Variants in PCMT1 observed in about 807,000 individuals in gnomAD.
PCMT1 encodes the protein protein-L-isoaspartate (D-aspartate) O-methyltransferase, also known as protein-L-isoaspartate(D-aspartate) O-methyltransferase.
A neutral mutation model predicts 29.2 loss-of-function variants in PCMT1; 9 were observed. That is an observed-to-expected ratio of 0.31 (90% CI 0.19 to 0.54). The LOEUF (loss-of-function observed/expected upper bound fraction) is 0.54, where lower values mean the gene tolerates loss of function less well. Ranked by LOEUF, PCMT1 falls within the 20% of genes least tolerant of loss-of-function variation. PCMT1 has a pLI of 0.95. For missense variants in PCMT1, 184 were observed against 282.2 expected, an observed-to-expected ratio of 0.65 and a Z score of 2.49; for synonymous variants, 98 against 97.5, an observed-to-expected ratio of 1.00 and a Z score of -0.03.
intron 3 of PCMT1, among the ~76,000 whole-genome samples, chr6:149,783,378 A>G (rs1787893467): frequency 6.6e-6 from 1 of 152,030 alleles, no homozygotes; most frequent in African/African-American, 2.4e-5. Flanking sequence ...TGATCTGCCC[A>G]CCTCAGCCTC....
intron 1 of PCMT1, among the ~76,000 whole-genome samples, chr6:149,761,680 T>C (rs867527041): frequency 1.3e-5 from 2 of 152,224 alleles, no homozygotes; most frequent in South Asian, 2.1e-4. Context: ...CTCTGTTTCT[T>C]GTTCCATAAT....
intron 3 of PCMT1, among the ~76,000 whole-genome samples, chr6:149,776,104 A>G (rs1787553849): frequency 6.6e-6 from 1 of 152,114 alleles, no homozygotes; most frequent in African/African-American, 2.4e-5. Flanking sequence ...GGTTGCGTTG[A>G]GCTGAAATTG....
chr6:149,749,737 G>C (rs992245380), upstream of PCMT1: 17 of 1,545,674 alleles, frequency 1.1e-5, no homozygotes, highest in Non-Finnish European at 1.5e-5. Flanking sequence ...GATGCCGGGA[G>C]CGCGCAGTGG....
At chr6:149,807,670 CTA>C in intron 7 of PCMT1, among the ~76,000 whole-genome samples, 1 of 152,184 alleles carries the variant, frequency 6.6e-6, no homozygotes, top group Non-Finnish European at 1.5e-5. Context: ...CACACCCAGA[CTA>C]TTTTTGTTTT....
intron 1 of PCMT1, 51 bp downstream of exon 1, chr6:149,750,007 G>A: frequency 6.4e-7 from 1 of 1,570,040 alleles, no homozygotes; most frequent in Non-Finnish European, 8.6e-7. Context: ...GCTGGGCCTG[G>A]ACCGGGTCCC....
intron 3 of PCMT1, among the ~76,000 whole-genome samples, chr6:149,786,608 G>A (rs1305113874): frequency 7.7e-5 from 11 of 142,378 alleles, no homozygotes; most frequent in Middle Eastern, 3.7e-3. Flanking sequence ...TGGGGCGGCC[G>A]GGCAGAGACG....
Position 149,802,419 on chromosome 6 carries a change from GA to G in PCMT1, c.*37+6del. 1 of 1,562,894 alleles carries G rather than the reference GA, an allele frequency of 6.4e-7. No homozygotes were observed. Among genetic ancestry groups the G allele is most frequent in the Non-Finnish European group, 8.7e-7 (1 of 1,151,170 alleles). On this transcript the variant is annotated splice_donor_region_variant and intron_variant, in intron 7 of 7. Transcript: ENST00000464889. ...CTTTCTTCTTCCACACATGCAAGGT[GA>G]AAGGGTGTGGATTTTAAGACATTAG... is the stretch of plus-strand genomic sequence containing the variant.
rs1157808693 is a variant in PCMT1 at position 149,763,306 on chromosome 6, G to GAT, written c.56-7847_56-7846dup. On this transcript the variant is annotated intron_variant, in intron 1 of 7. Transcript: ENST00000464889. ...TGATATCTATGATATATATATCTAT[G>GAT]ATATATATATCATAGATTACCAATG... Among the ~76,000 whole-genome samples, 3 of 144,408 alleles carry GAT rather than the reference G, an allele frequency of 2.1e-5. 1 individual carries two copies. The highest frequency in any genetic ancestry group is 4.5e-5 in the Non-Finnish European group (3 of 66,404). The allele number at this position is 144,408 out of a possible 152,430, so 94.7% of individuals were successfully genotyped here. A position where few individuals can be genotyped will look rare whatever the true frequency, so the allele number is the denominator to read the frequency against.
intron 3 of PCMT1, among the ~76,000 whole-genome samples, 181 bp downstream of exon 3, chr6:149,773,350 AGTTTTGTTTTGTTTTGTTTTGTTTT>A (rs71709110): frequency 7.3e-5 from 11 of 150,752 alleles, no homozygotes; most frequent in African/African-American, 1.2e-4. Context: ...CTGTAGAAGG[AGTTTTGTTTTGTTTTGTTTTGTTTT>A]GTTTTGTTTT....
At chr6:149,802,611 T>TTTTG (rs968138688) in intron 7 of PCMT1, 195 bp downstream of exon 7, 5 of 693,910 alleles carry the variant, frequency 7.2e-6, no homozygotes, top group Non-Finnish European at 9.7e-6. Context: ...CAAAGGCTTT[T>TTTTG]TTTGTTTGTT....
Position 149,749,742 on chromosome 6 carries a change from C to T in PCMT1, c.-160C>T, listed in dbSNP as rs1786216205. ...TGCCGCGGGGGATGCCGGGAGCGCG[C>T]AGTGGCGGCAGCGGCGGCGACGGCA... is the stretch of plus-strand genomic sequence containing the variant. On this transcript the variant is annotated 5_prime_UTR_variant, in exon 1 of 8. Transcript: ENST00000464889. 5 of 1,545,822 alleles carry T rather than the reference C, an allele frequency of 3.2e-6. No homozygotes were observed. The highest frequency in any genetic ancestry group is 3.5e-6 in the Non-Finnish European group (4 of 1,144,652).
At chr6:149,808,633 A>T (rs1167213882) in intron 7 of PCMT1, among the ~76,000 whole-genome samples, 3 of 151,724 alleles carry the variant, frequency 2.0e-5, no homozygotes, top group Admixed American at 1.3e-4. Flanking sequence ...GTAGTAAATT[A>T]TTATTATTAT....
intron 4 of PCMT1, among the ~76,000 whole-genome samples, chr6:149,792,272 G>A (rs1053268417): frequency 1.3e-5 from 2 of 151,834 alleles, no homozygotes; most frequent in East Asian, 1.9e-4. Flanking sequence ...CTGAGATCAC[G>A]CCACTGTACT....
Position 149,790,001 on chromosome 6 carries a change from T to C in PCMT1, c.240T>C (p.Ala80=). 1 of 1,611,800 alleles carries C rather than the reference T, an allele frequency of 6.2e-7. No homozygotes were observed. Among genetic ancestry groups the C allele is most frequent in the Non-Finnish European group, 8.5e-7 (1 of 1,179,238 alleles). The change falls in exon 4 of 8, where the codon GCT becomes GCC. Residue 80 remains alanine, a synonymous_variant. Coordinates refer to ENST00000464889, the MANE Select transcript of PCMT1 (RefSeq NM_001360452.2). ...TATTTGATCAGTTGCATGAAGGAGC[T>C]AAAGCTCTTGATGTAGGATCTGGAA... ...ELLFDQLHEG[A]KALDVGSGSG...
chr6:149,810,617 G>T lies in PCMT1; in HGVS notation c.*39G>T, dbSNP rs1776134737. The T allele has an allele frequency of 7.1e-6, 11 of 1,547,388 alleles. No homozygotes were observed. Among genetic ancestry groups the T allele is most frequent in the Middle Eastern group, 3.3e-4 (2 of 6,012 alleles). On this transcript the variant is annotated splice_region_variant and 3_prime_UTR_variant, in exon 8 of 8. Transcript: ENST00000464889. The stretch of plus-strand genomic sequence containing the variant: ...TATTTCTCTCTTTTTTCCTCACAGG[G>T]ATGAATTGTAAAAGCAACATCAGCT...
intron 1 of PCMT1, chr6:149,750,238 C>A: frequency 2.0e-6 from 1 of 510,666 alleles, no homozygotes; most frequent in Non-Finnish European, 3.5e-6. Context: ...GGAGGGAGTG[C>A]AGTACAGGTG....
intron 6 of PCMT1, chr6:149,799,239 AG>A (rs755013389): frequency 1.3e-5 from 2 of 152,196 alleles, no homozygotes; most frequent in African/African-American, 2.4e-5. Context: ...GCTTGAGCCC[AG>A]GAAGTTGAGA....
intron 1 of PCMT1, among the ~76,000 whole-genome samples, chr6:149,763,019 ATATGATATATCTATGATATC>A (rs1554251837): frequency 3.2e-5 from 2 of 62,674 alleles, no homozygotes; most frequent in Non-Finnish European, 4.5e-5. Flanking sequence ...TCTATGATAT[ATATGATATATCTATGATATC>A]TATGATATGT....
chr6:149,787,334 G>GGGAGCGGGAGCT (rs1788157847), intron 3 of PCMT1, among the ~76,000 whole-genome samples: 1 of 150,880 alleles, frequency 6.6e-6, no homozygotes, highest in Admixed American at 6.6e-5. Context: ...GAGCGGGAGC[G>GGGAGCGGGAGCT]GGAGCTGGCT....
Sources: gnomAD v4.1 joint callset for allele counts (sites outside exome capture counted in the v4.1 genomes callset) on GRCh38, gnomAD v4.1.1 for gene constraint, MANE v1.5 for transcripts, NCBI Gene and HGNC (gene_info 2026-07-23, HGNC 2026-07-21) for gene names.